RAB38: variants seen among roughly 807,000 people sequenced by gnomAD.
The protein encoded by RAB38 is RAB38, member RAS oncogene family.
Under a neutral mutation model 18.4 loss-of-function variants are expected in RAB38, and 15 were observed. The observed-to-expected ratio is 0.82, with a 90% CI of 0.55 to 1.26. The LOEUF is 1.26. RAB38 is among the 50% of genes most tolerant of loss of function. RAB38 has a pLI of 0.00. For missense variants in RAB38, 294 were observed against 267.4 expected (o/e 1.10, Z -0.69); for synonymous variants, 101 against 104.4 (o/e 0.97, Z 0.20).
the RAB38 span, among the ~76,000 whole-genome samples, chr11:87,976,788 T>C: frequency 8.5e-6 from 1 of 118,134 alleles, no homozygotes; most frequent in Non-Finnish European, 1.6e-5. Flanking sequence ...ATATATTATA[T>C]AATATATACT....
intron 2 of RAB38, among the ~76,000 whole-genome samples, chr11:88,130,483 C>G (rs969916812): frequency 2.0e-5 from 3 of 152,142 alleles, no homozygotes; most frequent in Non-Finnish European, 4.4e-5. Context: ...ACTAGCACTA[C>G]AAGTTTAGCA....
chr11:88,158,073 C>T (rs185585704), intron 1 of RAB38, among the ~76,000 whole-genome samples: 1 of 152,014 alleles, frequency 6.6e-6, no homozygotes, highest in Non-Finnish European at 1.5e-5. Flanking sequence ...TCCAAAAAAG[C>T]CCAATCAGAA....
At chr11:88,139,237 C>T (rs1433187507) in intron 2 of RAB38, among the ~76,000 whole-genome samples, 1 of 151,820 alleles carries the variant, frequency 6.6e-6, no homozygotes, top group Admixed American at 6.6e-5. Context: ...AATGAAATAC[C>T]CAGGAGTTCC....
the RAB38 span, among the ~76,000 whole-genome samples, chr11:87,821,845 C>G: frequency 4.1e-5 from 6 of 144,624 alleles, no homozygotes; most frequent in Admixed American, 2.9e-4. Flanking sequence ...AGCGACACTC[C>G]GTCTTAAAAA....
chr11:87,827,919 G>T, the RAB38 span, among the ~76,000 whole-genome samples: 1 of 152,210 alleles, frequency 6.6e-6, no homozygotes, highest in Non-Finnish European at 1.5e-5. Context: ...TCTAAATGCA[G>T]TGTAGTATTC....
chr11:88,143,966 T>C (rs1459691672), intron 2 of RAB38, among the ~76,000 whole-genome samples: 3 of 152,214 alleles, frequency 2.0e-5, no homozygotes, highest in Admixed American at 6.5e-5. Context: ...GATCCTTAAA[T>C]AGATAACTAG....
At chr11:88,061,614 A>AC in the RAB38 span, 34 of 152,146 alleles carry the variant, frequency 2.2e-4, no homozygotes, top group African/African-American at 8.2e-4. Flanking sequence ...ATGGAAAGAA[A>AC]TTTTTTTTAA....
chr11:88,127,251 C>T (rs542461943), intron 2 of RAB38, among the ~76,000 whole-genome samples: 1 of 152,214 alleles, frequency 6.6e-6, no homozygotes, highest in African/African-American at 2.4e-5. Context: ...ACTAAAGCAC[C>T]ATAATGAACT....
At chr11:87,921,089 G>A in the RAB38 span, among the ~76,000 whole-genome samples, 2 of 151,996 alleles carry the variant, frequency 1.3e-5, no homozygotes, top group Admixed American at 6.6e-5. Context: ...AACCCACTCT[G>A]ACAATAGGGA....
the RAB38 span, among the ~76,000 whole-genome samples, chr11:87,864,269 C>G: frequency 1.3e-5 from 2 of 151,260 alleles, no homozygotes; most frequent in Non-Finnish European, 3.0e-5. Flanking sequence ...AATCACAATG[C>G]TCATATAATT....
the RAB38 span, among the ~76,000 whole-genome samples, chr11:87,862,443 G>C: frequency 3.3e-5 from 5 of 152,036 alleles, no homozygotes; most frequent in East Asian, 9.7e-4. Context: ...TCACTTACAA[G>C]TGGAAGCTAA....
the RAB38 span, among the ~76,000 whole-genome samples, chr11:87,860,688 A>T: frequency 6.6e-6 from 1 of 152,126 alleles, no homozygotes; most frequent in Non-Finnish European, 1.5e-5. Flanking sequence ...TGCTAGGGAA[A>T]TAATACAAAT....
At chr11:87,909,524 G>A in the RAB38 span, among the ~76,000 whole-genome samples, 1 of 151,928 alleles carries the variant, frequency 6.6e-6, no homozygotes, top group Non-Finnish European at 1.5e-5. Flanking sequence ...TAGTTAAAGT[G>A]TATAATTTTA....
At chr11:88,045,557 A>T in the RAB38 span, among the ~76,000 whole-genome samples, 1 of 152,136 alleles carries the variant, frequency 6.6e-6, no homozygotes, top group African/African-American at 2.4e-5. Flanking sequence ...CCCCACTGGA[A>T]ATTGGACTGT....
the RAB38 span, among the ~76,000 whole-genome samples, chr11:87,870,968 A>C: frequency 6.6e-6 from 1 of 151,684 alleles, no homozygotes; most frequent in Admixed American, 6.6e-5. Context: ...GTTGTGTTTT[A>C]GTATGTCATG....
At chr11:88,044,010 T>C in the RAB38 span, among the ~76,000 whole-genome samples, 1 of 152,174 alleles carries the variant, frequency 6.6e-6, no homozygotes, top group African/African-American at 2.4e-5. Flanking sequence ...AACCTCTTTC[T>C]CCTTTTAATC....
At chr11:88,089,449 G>A in the RAB38 span, among the ~76,000 whole-genome samples, 1 of 152,018 alleles carries the variant, frequency 6.6e-6, no homozygotes, top group Admixed American at 6.6e-5. Flanking sequence ...ATAATTTCCA[G>A]AAGAGAGTGC....
At chr11:88,043,074 G>T in the RAB38 span, among the ~76,000 whole-genome samples, 2 of 152,002 alleles carry the variant, frequency 1.3e-5, no homozygotes, top group African/African-American at 4.8e-5. Context: ...CTATGCAAAC[G>T]TAACAAGTAT....
intron 1 of RAB38, among the ~76,000 whole-genome samples, chr11:88,152,846 C>T (rs974768079): frequency 6.6e-6 from 1 of 152,194 alleles, no homozygotes; most frequent in African/African-American, 2.4e-5. Context: ...GTGGCTAAAG[C>T]TCTATACTTT....
Sources: allele counts gnomAD v4.1 joint callset (sites outside exome capture counted in the v4.1 genomes callset), GRCh38; gene constraint gnomAD v4.1.1; transcripts MANE v1.5; gene names NCBI Gene and HGNC (gene_info 2026-07-23, HGNC 2026-07-21).